MAML1: variants seen among roughly 807,000 people sequenced by gnomAD.
The protein encoded by MAML1 is mastermind-like protein 1.
Under a neutral mutation model 77.1 loss-of-function variants are expected in MAML1, and 14 were observed. The ratio of observed to expected loss-of-function variants is 0.18; its 90% confidence interval spans 0.12 to 0.28. MAML1 has a LOEUF of 0.28. Among genes scored for constraint, MAML1 ranks in the 10% least tolerant of loss-of-function variants. MAML1 has a pLI of 1.00. For missense variants in MAML1, 1,217 were observed against 1,327.8 expected, an observed-to-expected ratio of 0.92 and a Z score of 1.30; for synonymous variants, 516 against 551.9, an observed-to-expected ratio of 0.93 and a Z score of 0.91.
rs1443054487 is a variant in MAML1 at position 179,774,945 on chromosome 5, G to A, written c.*68G>A. 10 of 1,517,310 alleles carry A rather than the reference G, an allele frequency of 6.6e-6. No individual in the cohort carries two copies. Among genetic ancestry groups the A allele is most frequent in the African/African-American group, 1.4e-5 (1 of 72,222 alleles). The allele number at this position is 1,517,310 out of a possible 1,614,324, so 94.0% of individuals were successfully genotyped here. A position where few individuals can be genotyped will look rare whatever the true frequency, so the allele number is the denominator to read the frequency against. On this transcript the variant is annotated 3_prime_UTR_variant, in exon 5 of 5. Transcript: ENST00000292599. ...TTTTATTCTCAGATTCAAAGAAAGA[G>A]CAACTACTTTGGACCAAAAGCCCAT...
At chr5:179,740,576 G>A (rs998927508) in intron 1 of MAML1, among the ~76,000 whole-genome samples, 3 of 152,056 alleles carry the variant, frequency 2.0e-5, no homozygotes, top group Non-Finnish European at 4.4e-5. Context: ...GTGCCCGGCC[G>A]ATCTTTAAGT....
At chr5:179,741,152 A>T (rs548277393) in intron 1 of MAML1, among the ~76,000 whole-genome samples, 2 of 152,298 alleles carry the variant, frequency 1.3e-5, no homozygotes, top group South Asian at 4.1e-4. Context: ...CATCCAGAGT[A>T]AAAACCTGGG....
At chr5:179,734,148 G>A (rs1383194568) in intron 1 of MAML1, among the ~76,000 whole-genome samples, 5 of 152,032 alleles carry the variant, frequency 3.3e-5, no homozygotes, top group Non-Finnish European at 7.4e-5. Flanking sequence ...GTTGGTTAGA[G>A]GTTTTTCTTC....
At chr5:179,735,563 G>A (rs934576488) in intron 1 of MAML1, among the ~76,000 whole-genome samples, 2 of 151,778 alleles carry the variant, frequency 1.3e-5, no homozygotes, top group East Asian at 3.9e-4. Flanking sequence ...AATAATTTTT[G>A]TATTTTTAGT....
Position 179,775,658 on chromosome 5 carries a change from T to A in MAML1, c.*781T>A. 1 of 985,370 alleles carries A rather than the reference T, an allele frequency of 1.0e-6. No homozygotes were observed. Among genetic ancestry groups the A allele is most frequent in the Non-Finnish European group, 1.2e-6 (1 of 829,922 alleles). 61.0% of individuals were successfully genotyped at this position (985,370 alleles called of 1,614,324 possible). A position where few individuals can be genotyped will look rare whatever the true frequency, so the allele number is the denominator to read the frequency against. On this transcript the variant is annotated 3_prime_UTR_variant, in exon 5 of 5. Coordinates refer to ENST00000292599, the MANE Select transcript of MAML1 (RefSeq NM_014757.5). Reference sequence around the variant, plus strand: ...CCTGGCAGCAGGACCCCAGGCTACATATGGAAGGTAGAGATGTGGGGGTCC... The same window carrying A: ...CCTGGCAGCAGGACCCCAGGCTACAAATGGAAGGTAGAGATGTGGGGGTCC...
In MAML1 at chr5:179,765,415, T is replaced by C. The variant is rs1231854268; in HGVS notation, c.405T>C (p.Pro135=). The part of the protein sequence containing the change: ...DQQNGYGDLF[P]GHKKTRREAP... ...AGAATGGCTACGGGGACCTCTTTCCTGGGCATAAGAAGACTCGCCGGGAGG... is the reference window on the plus strand; with the variant it reads ...AGAATGGCTACGGGGACCTCTTTCCCGGGCATAAGAAGACTCGCCGGGAGG... Residue 135 remains proline (P), a synonymous_variant, in exon 2 of 5, where the codon CCT becomes CCC. Coordinates refer to ENST00000292599, the MANE Select transcript of MAML1 (RefSeq NM_014757.5). The C allele has an allele frequency of 6.2e-7, 1 of 1,614,106 alleles. No homozygotes were observed. Among genetic ancestry groups the C allele is most frequent in the Non-Finnish European group, 8.5e-7 (1 of 1,180,040 alleles).
rs79276061 is a variant in MAML1, at chr5:179,776,368, C to A, written c.*1491C>A. On this transcript the variant is annotated 3_prime_UTR_variant, in exon 5 of 5. Transcript: ENST00000292599. ...ACCAGCCTGAGTCGCGGTGAGGGGACGAGAGGTTGTACACACATTGGTAGT... is the reference window on the plus strand; with the variant it reads ...ACCAGCCTGAGTCGCGGTGAGGGGAAGAGAGGTTGTACACACATTGGTAGT... 1 of 985,654 alleles carries A rather than the reference C, an allele frequency of 1.0e-6. No individual in the cohort carries two copies. Among genetic ancestry groups the A allele is most frequent in the African/African-American group, 1.7e-5 (1 of 57,196 alleles). The allele number at this position is 985,654 out of a possible 1,614,324, so 61.1% of individuals were successfully genotyped here.
chr5:179,773,051 A>AT (rs1297152619), intron 4 of MAML1, among the ~76,000 whole-genome samples: 1 of 152,076 alleles, frequency 6.6e-6, no homozygotes, highest in African/African-American at 2.4e-5. Flanking sequence ...CGCCTGGCTA[A>AT]TTTTTGTATT....
At chr5:179,743,287 G>A (rs1779316700) in intron 1 of MAML1, among the ~76,000 whole-genome samples, 1 of 151,338 alleles carries the variant, frequency 6.6e-6, no homozygotes, top group Non-Finnish European at 1.5e-5. Flanking sequence ...CCCGGCCTCA[G>A]GTGATCCGCC....
chr5:179,766,328 T>G lies in MAML1; in HGVS notation c.1318T>G (p.Leu440Val), dbSNP rs1779819018. 14 of 1,609,402 alleles carry G rather than the reference T, an allele frequency of 8.7e-6. No individual in the cohort carries two copies. The highest frequency in any genetic ancestry group is 1.1e-5 in the South Asian group (1 of 90,428). The part of the protein sequence containing the change: ...WQQTGPSHSS[L>V]DVPYPMEKPA... ...GCAGACGGGGCCCTCCCACAGTTCC[T>G]TAGATGTCCCTTACCCCATGGAGAA... Residue 440 changes from leucine (L) to valine (V), a missense_variant, in exon 2 of 5, where the codon TTA becomes GTA. Physicochemically the swap from Leu to Val is conservative, Grantham distance 32. Transcript: ENST00000292599. This position sits in a 1 kb window ranked among gnomAD's most constrained non-coding sequence, Gnocchi z 4.0.
intron 1 of MAML1, among the ~76,000 whole-genome samples, chr5:179,746,870 A>G (rs573450935): frequency 6.6e-6 from 1 of 152,374 alleles, no homozygotes; most frequent in African/African-American, 2.4e-5. Context: ...TATAACAAAA[A>G]GCCTTTAGCA....
intron 1 of MAML1, among the ~76,000 whole-genome samples, chr5:179,752,598 C>CCTTT (rs1779516183): frequency 1.4e-5 from 1 of 71,820 alleles, no homozygotes; most frequent in Non-Finnish European, 2.8e-5. Flanking sequence ...ATTAGATACT[C>CCTTT]TTTTTTTTTT....
intron 2 of MAML1, among the ~76,000 whole-genome samples, chr5:179,767,173 C>T (rs1425590338): frequency 7.6e-6 from 1 of 130,850 alleles, no homozygotes; most frequent in African/African-American, 2.9e-5. Flanking sequence ...AAGCTTATAA[C>T]ATTGTAGGCA....
At chr5:179,737,714 A>G (rs996028894) in intron 1 of MAML1, among the ~76,000 whole-genome samples, 1 of 152,212 alleles carries the variant, frequency 6.6e-6, no homozygotes, top group Non-Finnish European at 1.5e-5. Flanking sequence ...AGTCTTAGCC[A>G]CTATCTGCTT....
chr5:179,756,585 C>T (rs1489370722), intron 1 of MAML1, among the ~76,000 whole-genome samples: 1 of 151,964 alleles, frequency 6.6e-6, no homozygotes, highest in African/African-American at 2.4e-5. Context: ...CTTTATGTGC[C>T]AGGTTAAGGA....
At chr5:179,740,247 A>T (rs949036963) in intron 1 of MAML1, among the ~76,000 whole-genome samples, 10 of 152,214 alleles carry the variant, frequency 6.6e-5, no homozygotes, top group African/African-American at 2.4e-4. Flanking sequence ...GTGCAGTAGG[A>T]AGCAGTAGCA....
chr5:179,764,648 G>A (rs1206768349), intron 1 of MAML1, among the ~76,000 whole-genome samples: 2 of 145,698 alleles, frequency 1.4e-5, no homozygotes, highest in Admixed American at 6.9e-5. Flanking sequence ...CAACAAGAGC[G>A]AAACTCTGTC....
intron 1 of MAML1, among the ~76,000 whole-genome samples, chr5:179,761,529 C>T (rs1180065201): frequency 6.6e-6 from 1 of 152,130 alleles, no homozygotes; most frequent in East Asian, 1.9e-4. Flanking sequence ...AACCCCATCT[C>T]TACTAAAAAT....
rs577836488 is a variant in MAML1 at position 179,750,706 on chromosome 5, C to T, written c.316-14620C>T. Among the ~76,000 whole-genome samples, 4 of 152,304 alleles carry T rather than the reference C, an allele frequency of 2.6e-5. No individual in the cohort carries two copies. The South Asian group carries it at 6.2e-4, about 24-fold the overall frequency. On this transcript the variant is annotated intron_variant, in intron 1 of 4. Coordinates refer to ENST00000292599, the MANE Select transcript of MAML1 (RefSeq NM_014757.5). ...GAACTCCTGAGTGCAAAGCAATCCG[C>T]TTGCCTGGGACTCCCAAAGTGCTGG...
Sources: allele counts gnomAD v4.1 joint callset (sites outside exome capture counted in the v4.1 genomes callset), GRCh38; gene constraint gnomAD v4.1.1; non-coding constraint Gnocchi (gnomAD v3.1); transcripts MANE v1.5; gene names NCBI Gene and HGNC (gene_info 2026-07-23, HGNC 2026-07-21).